The following AXIN1 variants were observed in gnomAD, a reference collection of about 807,000 sequenced individuals.
AXIN1 encodes axin 1.
A neutral mutation model predicts 76.4 loss-of-function variants in AXIN1; 30 were observed. The ratio of observed to expected loss-of-function variants is 0.39; its 90% CI spans 0.29 to 0.53. The LOEUF is 0.53. Among genes scored for constraint, AXIN1 ranks in the 20% least tolerant of loss-of-function variants. The pLI, the probability that AXIN1 is intolerant of heterozygous loss-of-function variation, is 0.66. For synonymous variants in AXIN1, 545 were observed against 501.4 expected (o/e 1.09, Z -1.16); for missense variants, 1,140 against 1,198.8 (o/e 0.95, Z 0.72).
intron 2 of AXIN1, among the ~76,000 whole-genome samples, chr16:337,449 T>C (rs1352561749): frequency 1.5e-5 from 2 of 130,226 alleles, no homozygotes; most frequent in African/African-American, 6.0e-5. Context: ...CAGACACCAA[T>C]CCCATAGACT....
intron 8 of AXIN1, 80 bp from the exon 9 acceptor site, chr16:291,377 G>T: frequency 8.1e-7 from 1 of 1,234,732 alleles, no homozygotes; most frequent in Non-Finnish European, 1.2e-6. Context: ...ATGCTGCTGC[G>T]CAGGGACGGA....
chr16:323,448 A>AAAG (rs1399467296), intron 2 of AXIN1, among the ~76,000 whole-genome samples: 1 of 150,220 alleles, frequency 6.7e-6, no homozygotes, highest in African/African-American at 2.5e-5. Context: ...CAAAAAAAAA[A>AAAG]AAAAAGAAAG....
chr16:329,245 C>G (rs1414911707), intron 2 of AXIN1, among the ~76,000 whole-genome samples: 1 of 141,180 alleles, frequency 7.1e-6, no homozygotes, highest in Non-Finnish European at 1.5e-5. Flanking sequence ...CCACTGCACT[C>G]CAGCCTGGGC....
At chr16:350,379 G>C (rs1434805172) in intron 1 of AXIN1, among the ~76,000 whole-genome samples, 1 of 152,310 alleles carries the variant, frequency 6.6e-6, no homozygotes, top group East Asian at 1.9e-4. Context: ...CACTGAATCT[G>C]GCCCACAGCC....
chr16:297,695 C>A, intron 6 of AXIN1, 27 bp downstream of exon 6: 1 of 1,581,022 alleles, frequency 6.3e-7, no homozygotes, highest in East Asian at 2.3e-5. Flanking sequence ...CCCCAAGCCC[C>A]CTCCTCACTG....
At chr16:290,343 A>G (rs1370375187) in intron 9 of AXIN1, 1 of 156,166 alleles carries the variant, frequency 6.4e-6, no homozygotes, top group African/African-American at 2.4e-5. Context: ...CCTCATGGCC[A>G]CCTGAGCCAT....
chr16:288,150 A>ATCT lies in AXIN1; in HGVS notation c.2558_2560dup (p.Lys853dup). The ATCT allele has an allele frequency of 6.2e-7, 1 of 1,613,548 alleles. No individual in the cohort carries two copies. ...GTCCACCTTCTCCACTTTGCCGATG[A>ATCT]TCTTCTCCTCAAAGACGGGCAGGAC... On this transcript the variant is annotated inframe_insertion, in exon 11 of 11. Coordinates refer to ENST00000262320, the MANE Select transcript of AXIN1 (RefSeq NM_003502.4).
intron 2 of AXIN1, among the ~76,000 whole-genome samples, chr16:319,351 G>A (rs1449178652): frequency 6.6e-6 from 1 of 152,116 alleles, no homozygotes; most frequent in Non-Finnish European, 1.5e-5. Context: ...GTGGAGAGGA[G>A]GCATGAGAAG....
intron 1 of AXIN1, among the ~76,000 whole-genome samples, chr16:351,726 T>C (rs144007769): frequency 6.7e-6 from 1 of 149,280 alleles, no homozygotes; most frequent in Non-Finnish European, 1.5e-5. Context: ...GGCAATATAG[T>C]GACACCCCAT....
chr16:348,346 AAAT>A (rs1320219231), intron 1 of AXIN1, among the ~76,000 whole-genome samples: 1 of 151,984 alleles, frequency 6.6e-6, no homozygotes, highest in African/African-American at 2.4e-5. Flanking sequence ...CACAGCAAAC[AAAT>A]AAAACCCTAA....
At chr16:318,041 C>A (rs1223629303) in intron 2 of AXIN1, among the ~76,000 whole-genome samples, 1 of 151,986 alleles carries the variant, frequency 6.6e-6, no homozygotes, top group African/African-American at 2.4e-5. Flanking sequence ...CTGTAGCCCA[C>A]AGCACACGGC....
At chr16:324,063 T>C (rs1022676464) in intron 2 of AXIN1, among the ~76,000 whole-genome samples, 8 of 152,014 alleles carry the variant, frequency 5.3e-5, no homozygotes, top group South Asian at 2.1e-4. Context: ...CTGCAGACCA[T>C]GGGGAGCCCA....
intron 1 of AXIN1, among the ~76,000 whole-genome samples, chr16:351,585 G>C (rs1037044348): frequency 6.6e-6 from 1 of 151,502 alleles, no homozygotes; most frequent in Non-Finnish European, 1.5e-5. Flanking sequence ...ACTCCAGCCT[G>C]GGCTACAGTG....
chr16:298,350 C>T lies in AXIN1; in HGVS notation c.1255-99G>A, dbSNP rs1378019757. 21 of 1,505,688 alleles carry T rather than the reference C, an allele frequency of 1.4e-5. No homozygotes were observed. The Admixed American group carries it at 3.5e-4, about 25-fold the overall frequency. 93.3% of individuals were successfully genotyped at this position (1,505,688 alleles called of 1,614,324 possible). A position where few individuals can be genotyped will look rare whatever the true frequency, so the allele number is the denominator to read the frequency against. On this transcript the variant is annotated intron_variant, in intron 5 of 10. Coordinates refer to ENST00000262320, the MANE Select transcript of AXIN1 (RefSeq NM_003502.4). ...CTGACCCAGCAGCCCCAGCAGATGC[C>T]GTCCCAGCCCAGGGTGGCCGGGGGC...
chr16:332,068 GGCCTGAC>G (rs1320542420), intron 2 of AXIN1, among the ~76,000 whole-genome samples: 1 of 152,164 alleles, frequency 6.6e-6, no homozygotes, highest in Non-Finnish European at 1.5e-5. Context: ...GCTCGCGGAT[GGCCTGAC>G]GCCTGACACA....
chr16:305,649 T>C (rs930274400), intron 4 of AXIN1, among the ~76,000 whole-genome samples: 4 of 152,154 alleles, frequency 2.6e-5, no homozygotes, highest in African/African-American at 4.8e-5. Context: ...GTTCACGCCA[T>C]TCTCCTGCCT....
Position 297,970 on chromosome 16 carries a change from C to A in AXIN1, c.1536G>T (p.Gly512=), listed in dbSNP as rs779801377. Residue 512 remains glycine (G), a synonymous_variant, in exon 6 of 11, where the codon GGG becomes GGT. Coordinates refer to ENST00000262320, the MANE Select transcript of AXIN1 (RefSeq NM_003502.4). ...CTGACTTGGGTACGTGCTTCCCGTG[C>A]CCCGAGGCGGCACCCCCCAGTGCCA... ...MPVALGGAAS[G]HGKHVPKSGA... 1.2e-6 allele frequency: 2 copies of A among 1,601,734 alleles called. No homozygotes were observed. Among genetic ancestry groups the A allele is most frequent in the East Asian group, 2.2e-5 (1 of 44,738 alleles).
intron 2 of AXIN1, among the ~76,000 whole-genome samples, chr16:331,208 A>G (rs2053683757): frequency 6.6e-6 from 1 of 152,034 alleles, no homozygotes; most frequent in Admixed American, 6.6e-5. Context: ...AACACTGGAC[A>G]CTTATCAATC....
At chr16:298,272 C>T (rs975441164) in intron 5 of AXIN1, 21 bp from the exon 6 acceptor site, 1 of 1,537,664 alleles carries the variant, frequency 6.5e-7, no homozygotes, top group Non-Finnish European at 8.7e-7. Flanking sequence ...ACAAGCAGCA[C>T]CATCACCTCT....
Sources: gnomAD v4.1 joint callset for allele counts (sites outside exome capture counted in the v4.1 genomes callset) on GRCh38, gnomAD v4.1.1 for gene constraint, MANE v1.5 for transcripts, NCBI Gene and HGNC (gene_info 2026-07-23, HGNC 2026-07-21) for gene names.